The following NAALADL2 variants were observed in gnomAD, a reference collection of about 807,000 sequenced individuals.
NAALADL2 encodes the protein inactive N-acetylated-alpha-linked acidic dipeptidase-like protein 2.
In NAALADL2, 76 loss-of-function variants were observed where a neutral mutation model predicts 87.2. The observed-to-expected ratio is 0.87, with a 90% CI of 0.72 to 1.05. The LOEUF (loss-of-function observed/expected upper bound fraction) is 1.05, where lower values mean the gene tolerates loss of function less well. NAALADL2 is among the 50% of genes least tolerant of loss of function. The probability of loss-of-function intolerance (pLI) is 0.00; values close to 1 mark genes in which losing one functional copy is unlikely to be tolerated. For synonymous variants in NAALADL2, 354 were observed against 331.0 expected (o/e 1.07, Z -0.75); for missense variants, 1,089 against 945.8 (o/e 1.15, Z -1.99).
At chr3:175,541,404 G>A (rs563429261) in intron 9 of NAALADL2, among the ~76,000 whole-genome samples, 43 of 152,140 alleles carry the variant, frequency 2.8e-4, no homozygotes, top group Non-Finnish European at 4.6e-4. Flanking sequence ...CCTTAAAGGT[G>A]CTCAAAACAC....
Position 175,467,210 on chromosome 3 carries a change from A to G in NAALADL2, c.1533+26A>G, listed in dbSNP as rs762699501. On this transcript the variant is annotated intron_variant, in intron 8 of 13. Coordinates refer to ENST00000454872, the MANE Select transcript of NAALADL2 (RefSeq NM_207015.3). The stretch of plus-strand genomic sequence containing the variant: ...GTAAAGCAAAATATACATTAATTAC[A>G]GTGCTTTTCTTTTCTTAGTTTGCTA... 13 of 1,572,820 alleles carry G rather than the reference A, an allele frequency of 8.3e-6. No individual in the cohort carries two copies. The African/African-American group carries it at 1.8e-4, about 21-fold the overall frequency.
At chr3:175,398,547 G>C (rs201689260) in intron 5 of NAALADL2, among the ~76,000 whole-genome samples, 1 of 151,322 alleles carries the variant, frequency 6.6e-6, no homozygotes, top group African/African-American at 2.4e-5. Context: ...CTATAAGGAA[G>C]TTTTTGCAGA....
chr3:174,798,322 G>A lies in NAALADL2; in HGVS notation c.-9+60576G>A, dbSNP rs528559899. Among the ~76,000 whole-genome samples the A allele has an allele frequency of 2.0e-5, 3 of 152,146 alleles. No homozygotes were observed. In the East Asian group the frequency reaches 5.8e-4, roughly 29 times the overall value. On this transcript the variant is annotated intron_variant, in intron 3 of 3. Coordinates refer to the NAALADL2 transcript ENST00000434257. ...TTTAAAAAAATTTTGTGGTTATATA[G>A]TGGGCATATATATTTATGGGGTTTG...
At chr3:175,248,497 C>A (rs1037061709) in intron 3 of NAALADL2, among the ~76,000 whole-genome samples, 1 of 152,120 alleles carries the variant, frequency 6.6e-6, no homozygotes, top group Non-Finnish European at 1.5e-5. Context: ...AATTTCAACA[C>A]ATCTTGTCTC....
At chr3:175,296,958 C>G (rs112927437) in intron 4 of NAALADL2, among the ~76,000 whole-genome samples, 19 of 152,082 alleles carry the variant, frequency 1.2e-4, no homozygotes, top group African/African-American at 3.9e-4. Flanking sequence ...TTGGATATTT[C>G]CCCTATTAGG....
chr3:174,503,579 G>T (rs1221337162), intron 1 of NAALADL2, among the ~76,000 whole-genome samples: 1 of 151,946 alleles, frequency 6.6e-6, no homozygotes, highest in Non-Finnish European at 1.5e-5. Context: ...AAAAATATTA[G>T]TTTAATTATT....
At chr3:175,334,008 C>T (rs1245793689) in intron 5 of NAALADL2, among the ~76,000 whole-genome samples, 1 of 152,108 alleles carries the variant, frequency 6.6e-6, no homozygotes. Flanking sequence ...AATATTTTGA[C>T]ATCTTTGTAT....
chr3:175,507,105 GAA>G (rs759081720), intron 9 of NAALADL2, among the ~76,000 whole-genome samples: 2 of 139,106 alleles, frequency 1.4e-5, no homozygotes, highest in East Asian at 4.3e-4. Flanking sequence ...CTACCCTTAG[GAA>G]AAAAAAAAAC....
intron 2 of NAALADL2, among the ~76,000 whole-genome samples, chr3:175,161,328 A>G (rs1346954060): frequency 1.3e-5 from 2 of 152,154 alleles, no homozygotes; most frequent in Non-Finnish European, 2.9e-5. Context: ...AAACAGAAAA[A>G]AAAAAGATTG....
At chr3:175,129,741 T>C (rs757340029) in intron 2 of NAALADL2, among the ~76,000 whole-genome samples, 5 of 152,232 alleles carry the variant, frequency 3.3e-5, no homozygotes, top group Non-Finnish European at 7.3e-5. Flanking sequence ...TTTAGGTCGT[T>C]CCCATATCTT....
At chr3:175,395,671 A>G (rs578017993) in intron 5 of NAALADL2, among the ~76,000 whole-genome samples, 10 of 152,240 alleles carry the variant, frequency 6.6e-5, no homozygotes, top group African/African-American at 2.4e-4. Flanking sequence ...TTCATTTGCC[A>G]TTTTCATGTA....
At chr3:175,223,592 T>C (rs1473680446) in intron 2 of NAALADL2, among the ~76,000 whole-genome samples, 1 of 152,178 alleles carries the variant, frequency 6.6e-6, no homozygotes, top group East Asian at 1.9e-4. Context: ...ACAATGAAGA[T>C]AGGCATGTGA....
chr3:174,930,567 T>G (rs1736707735), intron 1 of NAALADL2, among the ~76,000 whole-genome samples: 1 of 150,372 alleles, frequency 6.7e-6, no homozygotes, highest in South Asian at 2.1e-4. Flanking sequence ...AATGTTATAT[T>G]ATATACCAAA....
At chr3:174,533,131 C>T (rs752244284) in intron 1 of NAALADL2, among the ~76,000 whole-genome samples, 7 of 150,586 alleles carry the variant, frequency 4.6e-5, no homozygotes, top group South Asian at 2.1e-4. Flanking sequence ...TTTAGCCAAC[C>T]GGGATTAGTT....
At chr3:175,687,359 C>T (rs983245080) in intron 11 of NAALADL2, among the ~76,000 whole-genome samples, 6 of 152,056 alleles carry the variant, frequency 3.9e-5, no homozygotes, top group South Asian at 2.1e-4. Flanking sequence ...AGTATTATGC[C>T]GTTGTGGCCC....
At chr3:174,444,026 G>GTCT (rs1714862452) in intron 1 of NAALADL2, among the ~76,000 whole-genome samples, 4 of 144,704 alleles carry the variant, frequency 2.8e-5, no homozygotes, top group Admixed American at 1.4e-4. Context: ...AAGGGAGGGA[G>GTCT]GAAATGGAGC....
chr3:175,251,674 G>A (rs941485968), intron 3 of NAALADL2, among the ~76,000 whole-genome samples: 21 of 152,170 alleles, frequency 1.4e-4, no homozygotes, highest in Non-Finnish European at 2.9e-4. Context: ...AAAATGACTT[G>A]GCATTTTATC....
At chr3:175,010,778 T>G (rs1372270770) in intron 1 of NAALADL2, among the ~76,000 whole-genome samples, 1 of 152,154 alleles carries the variant, frequency 6.6e-6, no homozygotes, top group African/African-American at 2.4e-5. Context: ...GGACCTTGTC[T>G]GCTTGTATAG....
chr3:175,092,905 T>C (rs1348043342), intron 1 of NAALADL2, among the ~76,000 whole-genome samples: 1 of 151,936 alleles, frequency 6.6e-6, no homozygotes, highest in African/African-American at 2.4e-5. Context: ...TTCATAATAA[T>C]TGCATTTTAT....
Sources: allele counts gnomAD v4.1 joint callset (sites outside exome capture counted in the v4.1 genomes callset), GRCh38; gene constraint gnomAD v4.1.1; transcripts MANE v1.5; gene names NCBI Gene and HGNC (gene_info 2026-07-23, HGNC 2026-07-21).